Variants in XRN2 observed in about 807,000 individuals in gnomAD.
The protein encoded by XRN2 is DHM1-like protein.
In XRN2, 44 loss-of-function variants were observed where a neutral mutation model predicts 138.5. The observed-to-expected ratio is 0.32, with a 90% confidence interval of 0.25 to 0.41. XRN2 has a LOEUF of 0.41. Ranked by LOEUF, XRN2 falls within the 10% of genes least tolerant of loss-of-function variation. The probability of loss-of-function intolerance (pLI) is 1.00; values close to 1 mark genes in which losing one functional copy is unlikely to be tolerated. For missense variants in XRN2, 937 were observed against 1,169.3 expected (o/e 0.80, Z 2.90); for synonymous variants, 354 against 369.4 (o/e 0.96, Z 0.48).
At chr20:21,346,386 C>T (rs994561878) in intron 16 of XRN2, 29 bp from the exon 17 acceptor site, 2 of 1,611,862 alleles carry the variant, frequency 1.2e-6, no homozygotes, top group Non-Finnish European at 1.7e-6. Context: ...TGTGTTAATT[C>T]AGCATAAATG....
intron 27 of XRN2, 43 bp downstream of exon 27, chr20:21,368,633 A>G (rs899612941): frequency 1.2e-6 from 2 of 1,605,842 alleles, no homozygotes; most frequent in Admixed American, 3.4e-5. Context: ...TAAATTAAAT[A>G]TCACAGCAAA....
chr20:21,304,613 T>C (rs1203868962), intron 1 of XRN2, among the ~76,000 whole-genome samples: 2 of 152,226 alleles, frequency 1.3e-5, no homozygotes, highest in South Asian at 2.1e-4. Context: ...ATCATACTTA[T>C]ACGTTATCAC....
intron 26 of XRN2, among the ~76,000 whole-genome samples, chr20:21,366,466 G>A (rs1051811889): frequency 9.9e-5 from 15 of 151,014 alleles, no homozygotes; most frequent in African/African-American, 3.6e-4. Context: ...CTGAGGCAGG[G>A]GAATGGCATG....
chr20:21,320,535 G>A (rs764744453), intron 1 of XRN2, among the ~76,000 whole-genome samples: 6 of 151,558 alleles, frequency 4.0e-5, no homozygotes, highest in African/African-American at 1.2e-4. Context: ...TCCTGACATC[G>A]TGATCGGCCT....
chr20:21,305,553 C>CTTTTTTTTTTTTTTTT lies in XRN2; in HGVS notation c.75+2088_75+2103dup, dbSNP rs1180206108. 3.0e-4 allele frequency among the ~76,000 whole-genome samples: 6 copies of CTTTTTTTTTTTTTTTT among 19,840 alleles called. 1 individual carries two copies. Among genetic ancestry groups the CTTTTTTTTTTTTTTTT allele is most frequent in the Admixed American group, 7.9e-4 (1 of 1,260 alleles). The allele number at this position is 19,840 out of a possible 152,430, so 13.0% of individuals were successfully genotyped here. On this transcript the variant is annotated intron_variant, in intron 1 of 29. Transcript: ENST00000377191. ...ACAGGCATGAGCCACCATACGTGGC[C>CTTTTTTTTTTTTTTTT]TTTTTTTTTTTTTTTTTTTTTTTGG...
At chr20:21,333,226 G>A (rs1160414769) in intron 9 of XRN2, among the ~76,000 whole-genome samples, 1 of 152,132 alleles carries the variant, frequency 6.6e-6, no homozygotes, top group African/African-American at 2.4e-5. Context: ...TGTGAGCTAT[G>A]TTTTTTACAT....
intron 27 of XRN2, 112 bp downstream of exon 27, chr20:21,368,702 C>T: frequency 1.4e-6 from 2 of 1,383,802 alleles, no homozygotes; most frequent in Non-Finnish European, 1.9e-6. Context: ...AGACAGTGAA[C>T]TTTAAAAACA....
At chr20:21,346,329 A>G in intron 16 of XRN2, 86 bp from the exon 17 acceptor site, 1 of 1,521,150 alleles carries the variant, frequency 6.6e-7, no homozygotes, top group Non-Finnish European at 9.0e-7. Context: ...GGTATTAAAT[A>G]TAAATTGATT....
intron 19 of XRN2, 28 bp downstream of exon 19, chr20:21,348,458 G>GT: frequency 6.3e-7 from 1 of 1,589,826 alleles, no homozygotes; most frequent in Non-Finnish European, 8.6e-7. Context: ...GAGTGTGTGG[G>GT]TGACAGGATT....
chr20:21,324,012 G>A (rs890854243), intron 1 of XRN2, among the ~76,000 whole-genome samples: 4 of 152,178 alleles, frequency 2.6e-5, no homozygotes, highest in South Asian at 2.1e-4. Context: ...GTGGTGGGCC[G>A]TTGGACAGGA....
At chr20:21,384,946 C>G (rs2038922589) in intron 28 of XRN2, among the ~76,000 whole-genome samples, 1 of 152,176 alleles carries the variant, frequency 6.6e-6, no homozygotes, top group Admixed American at 6.5e-5. Flanking sequence ...AAATAAAGGC[C>G]TTTCTGTCAT....
At chr20:21,320,861 A>G (rs567979911) in intron 1 of XRN2, among the ~76,000 whole-genome samples, 39 of 152,246 alleles carry the variant, frequency 2.6e-4, no homozygotes, top group African/African-American at 9.1e-4. Context: ...TTCTGACGTC[A>G]GTGTTTGGTA....
At chr20:21,377,257 G>GTTTTTT (rs1166479171) in intron 27 of XRN2, among the ~76,000 whole-genome samples, 1 of 30,322 alleles carries the variant, frequency 3.3e-5, no homozygotes, top group Non-Finnish European at 5.7e-5. Context: ...TGATTTGTCG[G>GTTTTTT]TTTTTTCTTT....
chr20:21,319,572 T>G (rs1190896020), intron 1 of XRN2, among the ~76,000 whole-genome samples: 2 of 152,138 alleles, frequency 1.3e-5, no homozygotes, highest in African/African-American at 4.8e-5. Flanking sequence ...TTTTTTCCAC[T>G]ATATATTTTT....
intron 29 of XRN2, 106 bp downstream of exon 29, chr20:21,387,112 G>A: frequency 1.4e-6 from 2 of 1,409,992 alleles, no homozygotes; most frequent in South Asian, 1.5e-5. Context: ...CACTGATAGA[G>A]TAGCTTAGAG....
At chr20:21,357,819 C>A in intron 24 of XRN2, 27 bp downstream of exon 24, 1 of 1,579,288 alleles carries the variant, frequency 6.3e-7, no homozygotes, top group South Asian at 1.2e-5. Flanking sequence ...TCATGGCATT[C>A]ACCCAGAACA....
intron 27 of XRN2, among the ~76,000 whole-genome samples, chr20:21,370,733 T>C (rs1410404271): frequency 6.6e-6 from 1 of 152,228 alleles, no homozygotes; most frequent in Non-Finnish European, 1.5e-5. Flanking sequence ...GCATTTGGAT[T>C]GCAGTGGGAA....
chr20:21,340,764 A>G lies in XRN2; in HGVS notation c.1322A>G (p.His441Arg). 1.9e-6 allele frequency: 3 copies of G among 1,613,974 alleles called. No homozygotes were observed. The highest frequency in any genetic ancestry group is 2.5e-6 in the Non-Finnish European group (3 of 1,179,906). ...ACTCCTAGTGGAATATTAACTCCTC[A>G]TGCCTTGGGTTCAAGAAATTCACCA... is the stretch of plus-strand genomic sequence containing the variant. ...AFTPSGILTPHALGSRNSPGS... is the reference protein window; with the variant it reads ...AFTPSGILTPRALGSRNSPGS... Residue 441 changes from histidine (H) to arginine (R), a missense_variant, in exon 15 of 30, where the codon CAT (histidine) becomes CGT (arginine). Physicochemically the swap from His to Arg is conservative, Grantham distance 29. This residue lies in a region of XRN2 where 471 missense variants were observed against 581.2 expected (regional missense o/e 0.81). Coordinates refer to ENST00000377191, the MANE Select transcript of XRN2 (RefSeq NM_012255.5).
chr20:21,384,831 GT>G (rs1237058217), intron 28 of XRN2, among the ~76,000 whole-genome samples: 2 of 152,118 alleles, frequency 1.3e-5, no homozygotes, highest in Non-Finnish European at 2.9e-5. Flanking sequence ...GTCAGTTTCT[GT>G]GCTTCTATCC....
Sources: allele counts gnomAD v4.1 joint callset (sites outside exome capture counted in the v4.1 genomes callset), GRCh38; gene constraint gnomAD v4.1.1; regional missense constraint gnomAD v4.1.1; transcripts MANE v1.5; gene names NCBI Gene and HGNC (gene_info 2026-07-23, HGNC 2026-07-21).